ERCC1: variants seen among roughly 807,000 people sequenced by gnomAD.
The protein encoded by ERCC1 is DNA excision repair protein ERCC-1.
Under a neutral mutation model 37.6 loss-of-function variants are expected in ERCC1, and 36 were observed. The ratio of observed to expected loss-of-function variants is 0.96; its 90% confidence interval spans 0.73 to 1.26. ERCC1 has a LOEUF of 1.26. Ranked by LOEUF, ERCC1 falls within the 50% of genes most tolerant of loss-of-function variation. The pLI, the probability that ERCC1 is intolerant of heterozygous loss-of-function variation, is 0.00. For missense variants in ERCC1, 349 were observed against 376.5 expected (o/e 0.93, Z 0.60); for synonymous variants, 156 against 162.1 (o/e 0.96, Z 0.28).
intron 6 of ERCC1, among the ~76,000 whole-genome samples, chr19:45,415,367 T>G (rs1241430020): frequency 1.4e-5 from 2 of 144,998 alleles, no homozygotes; most frequent in East Asian, 4.1e-4. Context: ...CCGGGTGTGG[T>G]GGCTCACGCC....
At chr19:45,414,413 G>A (rs1441540452) in intron 7 of ERCC1, 1 of 363,482 alleles carries the variant, frequency 2.8e-6, no homozygotes, top group African/African-American at 2.1e-5. Flanking sequence ...GGAGGCAGAG[G>A]TTGCAGTGAG....
rs1232692003 is a variant in ERCC1, at chr19:45,408,139, T to C, written c.*1536A>G. ...TCCCTGTTTCTCTCTGTAGCTTCAA[T>C]GGGCGGCATGTGCCTCTCTCTGGCT... On this transcript the variant is annotated 3_prime_UTR_variant, in exon 10 of 10. Coordinates refer to ENST00000300853, the MANE Select transcript of ERCC1 (RefSeq NM_001983.4). 2 of 1,595,958 alleles carry C rather than the reference T, an allele frequency of 1.3e-6. No homozygotes were observed. The highest frequency in any genetic ancestry group is 2.2e-5 in the South Asian group (2 of 89,828).
intron 9 of ERCC1, among the ~76,000 whole-genome samples, chr19:45,412,935 G>A (rs889302045): frequency 6.6e-6 from 1 of 151,414 alleles, no homozygotes; most frequent in Non-Finnish European, 1.5e-5. Context: ...AAGATGGGGT[G>A]TCTCCATGTT....
intron 1 of ERCC1, chr19:45,449,098 A>C (rs1423367027): frequency 6.6e-6 from 1 of 152,204 alleles, no homozygotes; most frequent in Non-Finnish European, 1.5e-5. Flanking sequence ...TTTACCTGGA[A>C]GTGATTGTGA....
chr19:45,446,817 G>A (rs529956443), intron 1 of ERCC1, among the ~76,000 whole-genome samples: 3 of 152,130 alleles, frequency 2.0e-5, no homozygotes, highest in Non-Finnish European at 2.9e-5. Context: ...GACCAACATG[G>A]TGAAACCTCA....
chr19:45,409,049 G>A lies in ERCC1; in HGVS notation c.*626C>T. On this transcript the variant is annotated 3_prime_UTR_variant, in exon 10 of 10. Coordinates refer to ENST00000300853, the MANE Select transcript of ERCC1 (RefSeq NM_001983.4). ...GGAGATGAAGCCTCTGGAGTCCCCAGGGGGGACCATGGCGCCTCAACAGCC... is the reference window on the plus strand; with the variant it reads ...GGAGATGAAGCCTCTGGAGTCCCCAAGGGGGACCATGGCGCCTCAACAGCC... The A allele has an allele frequency of 6.2e-7, 1 of 1,613,684 alleles. No individual in the cohort carries two copies. Among genetic ancestry groups the A allele is most frequent in the Non-Finnish European group, 8.5e-7 (1 of 1,179,732 alleles).
chr19:45,421,445 A>C, intron 2 of ERCC1, 52 bp from the exon 3 acceptor site: 1 of 1,330,794 alleles, frequency 7.5e-7, no homozygotes, highest in Non-Finnish European at 1.0e-6. Context: ...AGCAGAGGAC[A>C]TCTGAGGCCC....
chr19:45,415,717 A>G, intron 6 of ERCC1: 3 of 454,456 alleles, frequency 6.6e-6, no homozygotes, highest in South Asian at 4.7e-5. Context: ...ACAACCTGGT[A>G]GTAACCACTG....
chr19:45,427,159 A>G (rs1311005264), upstream of ERCC1, among the ~76,000 whole-genome samples: 1 of 151,928 alleles, frequency 6.6e-6, no homozygotes, highest in Non-Finnish European at 1.5e-5. Flanking sequence ...CAAACAAAAA[A>G]ACGAAAGAAA....
intron 1 of ERCC1, among the ~76,000 whole-genome samples, chr19:45,440,277 A>C (rs987129144): frequency 1.4e-5 from 2 of 146,558 alleles, no homozygotes; most frequent in African/African-American, 5.1e-5. Context: ...ACTCATCCGC[A>C]TCCCCCAGCC....
intron 1 of ERCC1, among the ~76,000 whole-genome samples, chr19:45,429,928 G>A (rs538629739): frequency 5.3e-5 from 8 of 152,242 alleles, no homozygotes; most frequent in Non-Finnish European, 1.2e-4. Flanking sequence ...GGGACTACAG[G>A]CGCATGCCAC....
intron 1 of ERCC1, among the ~76,000 whole-genome samples, chr19:45,436,375 C>G (rs1974976717): frequency 6.6e-6 from 1 of 152,170 alleles, no homozygotes; most frequent in South Asian, 2.1e-4. Flanking sequence ...GCCTGTAATC[C>G]CAGCACTTTG....
intron 1 of ERCC1, among the ~76,000 whole-genome samples, chr19:45,435,606 G>T (rs1356563125): frequency 6.6e-6 from 1 of 152,056 alleles, no homozygotes; most frequent in East Asian, 1.9e-4. Context: ...GGGACTATAG[G>T]TGTGCACCGC....
At chr19:45,417,826 A>G (rs1284067735) in intron 5 of ERCC1, among the ~76,000 whole-genome samples, 1 of 152,022 alleles carries the variant, frequency 6.6e-6, no homozygotes, top group Admixed American at 6.6e-5. Flanking sequence ...CAGCCTCCTG[A>G]GTAGCTGGGA....
At chr19:45,422,006 T>G (rs572435954) in intron 2 of ERCC1, among the ~76,000 whole-genome samples, 100 of 152,120 alleles carry the variant, frequency 6.6e-4, no homozygotes, top group African/African-American at 2.3e-3. Flanking sequence ...GCTCAAAATC[T>G]GAATTCAGCC....
upstream of ERCC1, among the ~76,000 whole-genome samples, chr19:45,428,083 C>CTTTTTTTTTTTTTTTTTTTTT (rs5828235): frequency 3.4e-5 from 4 of 115,982 alleles, no homozygotes; most frequent in African/African-American, 1.2e-4. Context: ...TTCTTTCTTT[C>CTTTTTTTTTTTTTTTTTTTTT]TTTTTTTTTT....
intron 1 of ERCC1, among the ~76,000 whole-genome samples, chr19:45,450,485 C>T (rs936424081): frequency 3.3e-5 from 5 of 151,980 alleles, no homozygotes. Context: ...AATGAACAGT[C>T]CAGGCCGGGC....
intron 1 of ERCC1, among the ~76,000 whole-genome samples, chr19:45,437,666 A>G (rs1975015344): frequency 6.6e-6 from 1 of 152,194 alleles, no homozygotes; most frequent in Admixed American, 6.6e-5. Flanking sequence ...GCTCATAGAA[A>G]CAGTATAAAG....
rs1352276329 is a variant in ERCC1, at chr19:45,422,477, T to TA, written c.105+792dup. On this transcript the variant is annotated intron_variant, in intron 2 of 9. Coordinates refer to ENST00000300853, the MANE Select transcript of ERCC1 (RefSeq NM_001983.4). ...GAGGCCCTCCCTTGACCTTCCTATC[T>TA]AAAGTAGGAAGGGGCCAGGCATGGT... Among the ~76,000 whole-genome samples, 37 of 152,032 alleles carry TA rather than the reference T, an allele frequency of 2.4e-4. 1 individual carries two copies.
Sources: allele counts gnomAD v4.1 joint callset (sites outside exome capture counted in the v4.1 genomes callset), GRCh38; gene constraint gnomAD v4.1.1; transcripts MANE v1.5; gene names NCBI Gene and HGNC (gene_info 2026-07-23, HGNC 2026-07-21).